UBE3A: variants seen among roughly 807,000 people sequenced by gnomAD.
UBE3A encodes the protein ubiquitin-protein ligase E3A.
A neutral mutation model predicts 83.4 loss-of-function variants in UBE3A; 6 were observed. The observed-to-expected ratio is 0.07, with a 90% CI of 0.04 to 0.14. UBE3A has a LOEUF of 0.14. Ranked by LOEUF, UBE3A falls within the 10% of genes least tolerant of loss-of-function variation. The pLI, the probability that UBE3A is intolerant of heterozygous loss-of-function variation, is 1.00. For synonymous variants in UBE3A, 337 were observed against 355.4 expected (o/e 0.95, Z 0.58); for missense variants, 456 against 1,036.1 (o/e 0.44, Z 7.69).
chr15:25,401,105 A>G lies in UBE3A; in HGVS notation c.62+4356T>C, dbSNP rs141142478. On this transcript the variant is annotated intron_variant, in intron 4 of 12. Coordinates refer to ENST00000648336, the MANE Select transcript of UBE3A (RefSeq NM_130839.5). Reference sequence around the variant, plus strand: ...GGCCTTTGTTCTCCTAATGTTGTATATCACATTTTATGGATTCAGGTCTGT... The same window carrying G: ...GGCCTTTGTTCTCCTAATGTTGTATGTCACATTTTATGGATTCAGGTCTGT... 7.2e-3 allele frequency among the ~76,000 whole-genome samples: 1,095 copies of G among 152,274 alleles called. 13 individuals are homozygous for G. The highest frequency in any genetic ancestry group is 0.025 in the African/African-American group (1,042 of 41,558).
At chr15:25,413,801 T>C (rs550008192) in intron 1 of UBE3A, among the ~76,000 whole-genome samples, 2 of 152,138 alleles carry the variant, frequency 1.3e-5, no homozygotes, top group African/African-American at 4.8e-5. Flanking sequence ...TTAATCCTAC[T>C]TAATTTTTGT....
rs1273763243 is a variant in UBE3A at position 25,370,052 on chromosome 15, C to T, written c.1608+514G>A. ...TCCACACAGGGATATTCTAAGTGGC[C>T]CAGCAGGACTCAACTCTTACTGGCA... On this transcript the variant is annotated intron_variant, in intron 6 of 12. Transcript: ENST00000648336. The surrounding 1 kb of genome is among the most constrained non-coding windows in gnomAD (Gnocchi z 4.2). Among the ~76,000 whole-genome samples, 1 of 152,102 alleles carries T rather than the reference C, an allele frequency of 6.6e-6. No individual in the cohort carries two copies. Among genetic ancestry groups the T allele is most frequent in the Non-Finnish European group, 1.5e-5 (1 of 68,024 alleles).
chr15:25,365,499 G>A (rs187278104), intron 6 of UBE3A, among the ~76,000 whole-genome samples: 1,618 of 151,890 alleles, frequency 0.011, 25 homozygotes, highest in Middle Eastern at 0.034. Flanking sequence ...CTGTAATCCC[G>A]GCACTCTGGG....
At chr15:25,433,370 T>C (rs901990358) in intron 1 of UBE3A, among the ~76,000 whole-genome samples, 1 of 151,992 alleles carries the variant, frequency 6.6e-6, no homozygotes, top group South Asian at 2.1e-4. Context: ...TGTATTTTAG[T>C]AGAGATGAGG....
In UBE3A at chr15:25,387,716, A is replaced by G. The variant is rs1171749745; in HGVS notation, c.63-11953T>C. 4.6e-5 allele frequency among the ~76,000 whole-genome samples: 7 copies of G among 152,312 alleles called. No homozygotes were observed. The South Asian group carries it at 1.0e-3, about 23-fold the overall frequency. On this transcript the variant is annotated intron_variant, in intron 4 of 12. Transcript: ENST00000648336. ...TTCTCTGAAAAGATCAATAAAATCA[A>G]TAAGCCTCTAGCCAGGCTAAGAAAA...
intron 1 of UBE3A, among the ~76,000 whole-genome samples, chr15:25,424,213 C>A (rs1485582730): frequency 1.3e-5 from 2 of 152,182 alleles, no homozygotes; most frequent in Admixed American, 6.5e-5. Context: ...TAAAGCTACA[C>A]TGGCCACACC....
chr15:25,354,506 T>C (rs759153831), intron 10 of UBE3A, 22 bp downstream of exon 10: 3 of 1,613,980 alleles, frequency 1.9e-6, no homozygotes, highest in Non-Finnish European at 2.5e-6. Flanking sequence ...ACATGACTTT[T>C]TGCAGACACC....
intron 6 of UBE3A, among the ~76,000 whole-genome samples, chr15:25,361,736 G>C (rs2078147442): frequency 6.6e-6 from 1 of 152,018 alleles, no homozygotes; most frequent in Admixed American, 6.5e-5. Flanking sequence ...ACATCTGTTG[G>C]CTGGTTAAAA....
At chr15:25,416,519 CAG>C (rs1157690313) in intron 1 of UBE3A, among the ~76,000 whole-genome samples, 1 of 151,892 alleles carries the variant, frequency 6.6e-6, no homozygotes, top group African/African-American at 2.4e-5. Context: ...GGTAGTGACA[CAG>C]AGCACAAGGG....
At chr15:25,355,350 CA>C (rs1178861909) in intron 9 of UBE3A, among the ~76,000 whole-genome samples, 2 of 151,950 alleles carry the variant, frequency 1.3e-5, no homozygotes, top group Admixed American at 6.6e-5. Flanking sequence ...AATATTTAAT[CA>C]AAAAATTATA....
chr15:25,359,462 T>TGA (rs1555392826), intron 7 of UBE3A, among the ~76,000 whole-genome samples: 16 of 144,436 alleles, frequency 1.1e-4, no homozygotes, highest in South Asian at 4.4e-4. Flanking sequence ...TGTGTGTGTG[T>TGA]GACTAAGAAC....
rs1048662657 is a variant in UBE3A, at chr15:25,334,228, C to T, written c.*4909G>A. 2.0e-5 allele frequency: 3 copies of T among 151,734 alleles called. No homozygotes were observed. The highest frequency in any genetic ancestry group is 6.6e-5 in the Admixed American group (1 of 15,232). 9.4% of individuals were successfully genotyped at this position (151,734 alleles called of 1,614,324 possible). On this transcript the variant is annotated 3_prime_UTR_variant, in exon 13 of 13. Transcript: ENST00000648336. The stretch of plus-strand genomic sequence containing the variant: ...CAAAAAAAGAATTTTAGAAAAGCTA[C>T]AATATACAAAATCAATATACAAAAA...
At chr15:25,349,057 T>C (rs2076126146) in intron 11 of UBE3A, among the ~76,000 whole-genome samples, 1 of 152,234 alleles carries the variant, frequency 6.6e-6, no homozygotes, top group Admixed American at 6.5e-5. Context: ...ACCATAACAG[T>C]GTCATTTTGG....
chr15:25,437,853 G>T (rs563733352), intron 1 of UBE3A, among the ~76,000 whole-genome samples: 2 of 151,788 alleles, frequency 1.3e-5, no homozygotes, highest in African/African-American at 4.8e-5. Context: ...ACTGAAAAGG[G>T]GGGGGAAAAA....
At chr15:25,360,575 A>C in intron 6 of UBE3A, 48 bp from the exon 7 acceptor site, 1 of 1,597,306 alleles carries the variant, frequency 6.3e-7, no homozygotes, top group Non-Finnish European at 8.5e-7. Context: ...TGCTAGTATC[A>C]GGAAAAAAAC....
chr15:25,352,807 A>G (rs1028918599), intron 11 of UBE3A, among the ~76,000 whole-genome samples: 2 of 152,206 alleles, frequency 1.3e-5, no homozygotes, highest in Non-Finnish European at 1.5e-5. Flanking sequence ...AAGGTTTAGA[A>G]TATCATCAAC....
At chr15:25,344,138 C>T (rs770780657) in intron 11 of UBE3A, among the ~76,000 whole-genome samples, 12 of 152,082 alleles carry the variant, frequency 7.9e-5, no homozygotes, top group East Asian at 1.9e-4. Context: ...TACATATGTA[C>T]GGAATAATGC....
chr15:25,354,472 T>C, intron 10 of UBE3A, 46 bp from the exon 11 acceptor site: 1 of 1,613,488 alleles, frequency 6.2e-7, no homozygotes, highest in Non-Finnish European at 8.5e-7. Flanking sequence ...TATACTACTG[T>C]ATCATTACAA....
chr15:25,407,230 T>G, intron 3 of UBE3A: 3 of 1,193,972 alleles, frequency 2.5e-6, no homozygotes, highest in Non-Finnish European at 2.1e-6. Flanking sequence ...GAGGCAGAGC[T>G]GGCTTGCAAA....
Sources: gnomAD v4.1 joint callset for allele counts (sites outside exome capture counted in the v4.1 genomes callset) on GRCh38, gnomAD v4.1.1 for gene constraint, Gnocchi (gnomAD v3.1) non-coding constraint, MANE v1.5 for transcripts, NCBI Gene and HGNC (gene_info 2026-07-23, HGNC 2026-07-21) for gene names.